Variants in TMEM52B observed in about 807,000 individuals in gnomAD.
TMEM52B encodes chromosome 12 open reading frame 59.
TMEM52B carries 11 observed loss-of-function variants against 16.1 expected under a neutral mutation model. That is an observed-to-expected ratio of 0.68 (90% CI 0.43 to 1.13). The LOEUF is 1.13. Among genes scored for constraint, TMEM52B ranks in the 50% most tolerant of loss-of-function variants. TMEM52B has a pLI of 0.00. For synonymous variants in TMEM52B, 101 were observed against 93.8 expected (o/e 1.08, Z -0.45); for missense variants, 243 against 230.4 (o/e 1.05, Z -0.35).
At position 10,186,597 on chromosome 12, in the gene TMEM52B, C is replaced by G; in HGVS notation, c.307+8C>G. The G allele has an allele frequency of 6.4e-7, 1 of 1,553,552 alleles. No individual in the cohort carries two copies. Among genetic ancestry groups the G allele is most frequent in the East Asian group, 2.3e-5 (1 of 43,632 alleles). On this transcript the variant is annotated splice_region_variant and intron_variant, in intron 4 of 4. Coordinates refer to ENST00000543484, the MANE Select transcript of TMEM52B (RefSeq NM_001384896.1). ...TCCAGAGCACTATCACATGTGAGTA[C>G]ACTGAACTTTTAACCTGGGAGGAGG...
At chr12:10,184,874 C>T (rs925409742) in intron 2 of TMEM52B, among the ~76,000 whole-genome samples, 20 of 151,830 alleles carry the variant, frequency 1.3e-4, no homozygotes, top group African/African-American at 3.4e-4. Context: ...TCACCACGGC[C>T]GGCTAATTTT....
chr12:10,172,863 A>G (rs1022466698), intron 1 of TMEM52B, among the ~76,000 whole-genome samples: 1 of 152,176 alleles, frequency 6.6e-6, no homozygotes, highest in Non-Finnish European at 1.5e-5. Flanking sequence ...GAAATTAGGG[A>G]TAATGTCTAC....
In TMEM52B at chr12:10,189,989, C is replaced by A; in HGVS notation, c.401C>A (p.Thr134Asn). ...SLGQLPSSLD[T>N]LPGYEEALHM... is the part of the protein sequence containing the mutation. The stretch of plus-strand genomic sequence containing the variant: ...GGCCAGCTGCCCTCCTCTTTGGACA[C>A]CCTCCCAGGGTATGAAGAAGCTCTT... Residue 134 changes from threonine to asparagine, a missense_variant, in exon 5 of 5, where the codon ACC becomes AAC. Thr to Asn is a moderately conservative substitution (Grantham distance 65). Coordinates refer to ENST00000543484, the MANE Select transcript of TMEM52B (RefSeq NM_001384896.1). 1 of 1,614,190 alleles carries A rather than the reference C, an allele frequency of 6.2e-7. No individual in the cohort carries two copies. Among genetic ancestry groups the A allele is most frequent in the Non-Finnish European group, 8.5e-7 (1 of 1,180,040 alleles).
chr12:10,176,396 G>A (rs532093757), upstream of TMEM52B, among the ~76,000 whole-genome samples: 11 of 152,304 alleles, frequency 7.2e-5, no homozygotes, highest in African/African-American at 2.4e-4. Flanking sequence ...AACCTGTTTG[G>A]AAGCTGGAGG....
At chr12:10,182,417 A>G in intron 1 of TMEM52B, 133 bp from the exon 2 acceptor site, 1 of 1,362,660 alleles carries the variant, frequency 7.3e-7, no homozygotes, top group Admixed American at 3.0e-5. Context: ...GCAGTCCTAA[A>G]TAGACTGCCC....
intron 1 of TMEM52B, 56 bp from the exon 2 acceptor site, chr12:10,182,494 G>T: frequency 6.6e-7 from 1 of 1,523,232 alleles, no homozygotes; most frequent in Non-Finnish European, 8.8e-7. Flanking sequence ...TTGGTAAGCA[G>T]CTGAACACAG....
upstream of TMEM52B, among the ~76,000 whole-genome samples, chr12:10,175,757 G>C (rs1211064661): frequency 6.6e-6 from 1 of 152,176 alleles, no homozygotes; most frequent in Non-Finnish European, 1.5e-5. Context: ...ATTTATTTTT[G>C]AAATCAGGGC....
chr12:10,175,714 G>C (rs1948760678), upstream of TMEM52B, among the ~76,000 whole-genome samples: 1 of 152,168 alleles, frequency 6.6e-6, no homozygotes, highest in African/African-American at 2.4e-5. Flanking sequence ...GATCTCCCAA[G>C]GGTTGCAAAG....
intron 1 of TMEM52B, among the ~76,000 whole-genome samples, chr12:10,173,552 G>A (rs1159576288): frequency 1.3e-5 from 2 of 151,832 alleles, no homozygotes; most frequent in Admixed American, 6.6e-5. Context: ...AGCTGAGGGG[G>A]GGGGTGGATC....
chr12:10,188,175 T>G (rs1444359262), intron 4 of TMEM52B, among the ~76,000 whole-genome samples: 1 of 152,126 alleles, frequency 6.6e-6, no homozygotes, highest in Non-Finnish European at 1.5e-5. Context: ...CCTTTCTCAC[T>G]GTCATCTTAG....
At position 10,190,191 on chromosome 12, in the gene TMEM52B, G is replaced by C; in HGVS notation, c.*51G>C. The C allele has an allele frequency of 3.1e-6, 5 of 1,604,412 alleles. No individual in the cohort carries two copies. Among genetic ancestry groups the C allele is most frequent in the Non-Finnish European group, 4.3e-6 (5 of 1,174,926 alleles). On this transcript the variant is annotated 3_prime_UTR_variant, in exon 5 of 5. Coordinates refer to ENST00000543484, the MANE Select transcript of TMEM52B (RefSeq NM_001384896.1). ...AGTGGAGTGATGTCCAGAGTCTGTGGGAAAATGGAACACATACTTTTCTAA... is the reference window on the plus strand; with the variant it reads ...AGTGGAGTGATGTCCAGAGTCTGTGCGAAAATGGAACACATACTTTTCTAA...
At chr12:10,188,542 G>GAAGAAAAAGAAA (rs71049059) in intron 4 of TMEM52B, among the ~76,000 whole-genome samples, 6 of 75,212 alleles carry the variant, frequency 8.0e-5, no homozygotes, top group African/African-American at 1.3e-4. Context: ...GGAAGGAAAA[G>GAAGAAAAAGAAA]AAGAAAAAGA....
chr12:10,175,679 T>C (rs569360094), upstream of TMEM52B, among the ~76,000 whole-genome samples: 1 of 152,350 alleles, frequency 6.6e-6, no homozygotes, highest in South Asian at 2.1e-4. Context: ...GATCTTGGCT[T>C]ATCAGACAGA....
intron 4 of TMEM52B, among the ~76,000 whole-genome samples, chr12:10,187,924 C>T (rs1189245282): frequency 6.6e-6 from 1 of 151,968 alleles, no homozygotes; most frequent in Non-Finnish European, 1.5e-5. Flanking sequence ...CATGGTGAAA[C>T]CTCGTCTCTA....
chr12:10,188,804 G>A (rs1330799387), intron 4 of TMEM52B, among the ~76,000 whole-genome samples: 1 of 151,628 alleles, frequency 6.6e-6, no homozygotes, highest in African/African-American at 2.4e-5. Flanking sequence ...GGATCACAAG[G>A]TCAGGAGATC....
intron 1 of TMEM52B, among the ~76,000 whole-genome samples, chr12:10,171,157 G>A (rs989556057): frequency 6.6e-6 from 1 of 152,168 alleles, no homozygotes; most frequent in African/African-American, 2.4e-5. Flanking sequence ...TGGCTCAAAT[G>A]TTAAATCACT....
At chr12:10,171,949 T>C (rs1440955905) in intron 1 of TMEM52B, 12 of 1,345,464 alleles carry the variant, frequency 8.9e-6, no homozygotes, top group East Asian at 2.3e-5. Flanking sequence ...AATTTACATT[T>C]TGGGGCTAAC....
chr12:10,187,609 T>G (rs1034924859), intron 4 of TMEM52B, among the ~76,000 whole-genome samples: 1 of 151,660 alleles, frequency 6.6e-6, no homozygotes, highest in African/African-American at 2.4e-5. Context: ...TGTTTATTTT[T>G]ATTATTGGTA....
rs940706240 is a variant in TMEM52B at position 10,186,405 on chromosome 12, C to T, written c.138-15C>T. The stretch of plus-strand genomic sequence containing the variant: ...CAGATCCCAGAGCTCCCACTCGCCC[C>T]GTGGGCTTTTGCAGGTTGCTAGTGG... On this transcript the variant is annotated splice_polypyrimidine_tract_variant and intron_variant, in intron 3 of 4. Coordinates refer to ENST00000543484, the MANE Select transcript of TMEM52B (RefSeq NM_001384896.1). The T allele has an allele frequency of 2.5e-6, 4 of 1,593,030 alleles. No homozygotes were observed. The highest frequency in any genetic ancestry group is 1.1e-5 in the South Asian group (1 of 88,778).
Sources: allele counts gnomAD v4.1 joint callset (sites outside exome capture counted in the v4.1 genomes callset), GRCh38; gene constraint gnomAD v4.1.1; transcripts MANE v1.5; gene names NCBI Gene and HGNC (gene_info 2026-07-23, HGNC 2026-07-21).